Variants in RCAN2 observed in about 807,000 individuals in gnomAD.
The protein encoded by RCAN2 is calcipressin-2.
In RCAN2, 9 loss-of-function variants were observed where a neutral mutation model predicts 23.6. The observed-to-expected ratio is 0.38, with a 90% CI of 0.23 to 0.67. The LOEUF is 0.67. Ranked by LOEUF, RCAN2 falls within the 30% of genes least tolerant of loss-of-function variation. RCAN2 has a pLI of 0.51. For missense variants in RCAN2, 273 were observed against 302.3 expected (o/e 0.90, Z 0.72); for synonymous variants, 109 against 115.7 (o/e 0.94, Z 0.37).
Position 46,367,176 on chromosome 6 carries a change from A to G in RCAN2, c.225+89576T>C, listed in dbSNP as rs191721386. 3.2e-3 allele frequency among the ~76,000 whole-genome samples: 480 copies of G among 151,072 alleles called. 2 individuals are homozygous for G. Among genetic ancestry groups the G allele is most frequent in the Non-Finnish European group, 5.0e-3 (340 of 67,712 alleles). On this transcript the variant is annotated intron_variant, in intron 2 of 4. Coordinates refer to ENST00000371374, the MANE Select transcript of RCAN2 (RefSeq NM_001251974.2). ...GAGAGAAGCTACCATCTCAACATGTAAATTAATATTGGCTTAAGGGTGGCT... is the reference window on the plus strand; with the variant it reads ...GAGAGAAGCTACCATCTCAACATGTGAATTAATATTGGCTTAAGGGTGGCT...
At chr6:46,279,387 C>T (rs114433854) in intron 2 of RCAN2, among the ~76,000 whole-genome samples, 2,876 of 152,276 alleles carry the variant, frequency 0.019, 84 homozygotes, top group African/African-American at 0.062. Flanking sequence ...AACCTTGGCA[C>T]TATTGACATT....
At chr6:46,286,610 GAGAAGGTAAAGACATGTAC>G (rs1762382619) in intron 2 of RCAN2, among the ~76,000 whole-genome samples, 1 of 152,178 alleles carries the variant, frequency 6.6e-6, no homozygotes, top group Admixed American at 6.5e-5. Context: ...CATGATTCTT[GAGAAGGTAAAGACATGTAC>G]AGAACTTCTG....
chr6:46,463,567 G>A (rs1452768535), intron 1 of RCAN2, among the ~76,000 whole-genome samples: 1 of 152,118 alleles, frequency 6.6e-6, no homozygotes, highest in Non-Finnish European at 1.5e-5. Context: ...TCCTCAATTT[G>A]AGATTTTTAT....
At position 46,222,110 on chromosome 6, in the gene RCAN2, T is replaced by A. The variant is rs965783072; in HGVS notation, c.*1031A>T. 1.3e-5 allele frequency: 5 copies of A among 397,198 alleles called. No homozygotes were observed. Among genetic ancestry groups the A allele is most frequent in the Non-Finnish European group, 2.2e-5 (5 of 225,276 alleles). 24.6% of individuals were successfully genotyped at this position (397,198 alleles called of 1,614,324 possible). ...AGCAAAGATGTTGGCTAATCATGTA[T>A]ATATTGGCATTAGATGTTTTGTGTC... On this transcript the variant is annotated 3_prime_UTR_variant, in exon 5 of 5. Coordinates refer to ENST00000371374, the MANE Select transcript of RCAN2 (RefSeq NM_001251974.2).
At chr6:46,277,633 T>C (rs1194274089) in intron 2 of RCAN2, among the ~76,000 whole-genome samples, 1 of 152,142 alleles carries the variant, frequency 6.6e-6, no homozygotes, top group East Asian at 1.9e-4. Context: ...ACTTAATTTT[T>C]TTTGGTCTAT....
chr6:46,342,879 T>A (rs1764373224), intron 2 of RCAN2, among the ~76,000 whole-genome samples: 1 of 152,088 alleles, frequency 6.6e-6, no homozygotes, highest in Admixed American at 6.5e-5. Context: ...TAATACTTTA[T>A]CTAGACTAGA....
intron 2 of RCAN2, among the ~76,000 whole-genome samples, chr6:46,421,204 A>G (rs997913198): frequency 1.3e-5 from 2 of 152,232 alleles, no homozygotes; most frequent in Admixed American, 6.5e-5. Flanking sequence ...AGCAATGGGC[A>G]ATGATGTACA....
In RCAN2 at chr6:46,251,310, A is replaced by G. The variant is rs115175474; in HGVS notation, c.226-2414T>C. On this transcript the variant is annotated intron_variant, in intron 2 of 4. Transcript: ENST00000371374. ...TTCCTGAGCAGGAATACTGATGACTAAAATGCATTCTGTTTCCTCACAATG... is the reference window on the plus strand; with the variant it reads ...TTCCTGAGCAGGAATACTGATGACTGAAATGCATTCTGTTTCCTCACAATG... 2.9e-3 allele frequency among the ~76,000 whole-genome samples: 442 copies of G among 152,342 alleles called. 4 individuals are homozygous for G. The highest frequency in any genetic ancestry group is 0.01 in the African/African-American group (422 of 41,588).
intron 2 of RCAN2, among the ~76,000 whole-genome samples, chr6:46,433,135 T>G (rs1309313403): frequency 6.6e-6 from 1 of 152,156 alleles, no homozygotes; most frequent in Non-Finnish European, 1.5e-5. Flanking sequence ...CAAATTTTAG[T>G]GATCCTTTTT....
chr6:46,475,060 A>G (rs1470372761), intron 1 of RCAN2, among the ~76,000 whole-genome samples: 2 of 152,218 alleles, frequency 1.3e-5, no homozygotes, highest in Admixed American at 1.3e-4. Context: ...CTGGATTAAA[A>G]TGAGTTTTTT....
At chr6:46,314,385 GA>G (rs953014176) in intron 2 of RCAN2, among the ~76,000 whole-genome samples, 15 of 139,392 alleles carry the variant, frequency 1.1e-4, no homozygotes, top group African/African-American at 3.4e-4. Context: ...AAAAAGAAAA[GA>G]AAAAAAACCA....
In RCAN2 at chr6:46,456,601, T is replaced by A. The variant is rs1582217265; in HGVS notation, c.225+151A>T. ...TCTCTAAAGTTAGTTGATAATAGAA[T>A]GGGATTTTCTTATCCTGGTACACAT... On this transcript the variant is annotated intron_variant, in intron 2 of 4. Coordinates refer to ENST00000371374, the MANE Select transcript of RCAN2 (RefSeq NM_001251974.2). The A allele has an allele frequency of 4.8e-6, 3 of 620,584 alleles. No individual in the cohort carries two copies. In the Admixed American group the frequency reaches 8.6e-5, roughly 18 times the overall value. The allele number at this position is 620,584 out of a possible 1,614,324, so 38.4% of individuals were successfully genotyped here.
chr6:46,461,703 A>C (rs919842916), intron 1 of RCAN2, among the ~76,000 whole-genome samples: 3 of 151,620 alleles, frequency 2.0e-5, no homozygotes, highest in Non-Finnish European at 4.4e-5. Flanking sequence ...CTCCAGCCTC[A>C]GCTTCCCGAG....
chr6:46,460,705 C>G (rs1204561147), intron 1 of RCAN2, among the ~76,000 whole-genome samples: 1 of 152,170 alleles, frequency 6.6e-6, no homozygotes, highest in Non-Finnish European at 1.5e-5. Context: ...GCTGGGTTGT[C>G]TTCATCCATG....
At position 46,470,615 on chromosome 6, in the gene RCAN2, A is replaced by G. The variant is rs559028488; in HGVS notation, c.-2-13637T>C. 1.4e-4 allele frequency among the ~76,000 whole-genome samples: 22 copies of G among 152,356 alleles called. No individual in the cohort carries two copies. The South Asian group carries it at 2.3e-3, about 16-fold the overall frequency. On this transcript the variant is annotated intron_variant, in intron 1 of 4. Transcript: ENST00000371374. ...ACTAAATAAATCAAGCCAGTTTTCT[A>G]TGTACCCTCTCTCTACCAGTTCACT...
chr6:46,239,048 C>G (rs966160554), intron 4 of RCAN2, among the ~76,000 whole-genome samples: 1 of 152,166 alleles, frequency 6.6e-6, no homozygotes, highest in Admixed American at 6.5e-5. Context: ...TCCTCAAGGT[C>G]ACAGAGCTAA....
intron 2 of RCAN2, among the ~76,000 whole-genome samples, chr6:46,332,806 T>G (rs1457708602): frequency 1.3e-5 from 2 of 152,188 alleles, no homozygotes; most frequent in Admixed American, 1.3e-4. Context: ...TGATTTATAG[T>G]CCTTTGGGTA....
At chr6:46,449,042 T>G (rs906380113) in intron 2 of RCAN2, among the ~76,000 whole-genome samples, 24 of 151,830 alleles carry the variant, frequency 1.6e-4, no homozygotes, top group African/African-American at 5.3e-4. Flanking sequence ...TAAATTGTCC[T>G]TATCTGCAGA....
chr6:46,419,016 A>C (rs201485270), intron 2 of RCAN2, among the ~76,000 whole-genome samples: 2 of 152,044 alleles, frequency 1.3e-5, no homozygotes, highest in African/African-American at 4.8e-5. Flanking sequence ...AGATAGCAAA[A>C]AAAAGCCCAA....
Sources: gnomAD v4.1 joint callset for allele counts (sites outside exome capture counted in the v4.1 genomes callset) on GRCh38, gnomAD v4.1.1 for gene constraint, MANE v1.5 for transcripts, NCBI Gene and HGNC (gene_info 2026-07-23, HGNC 2026-07-21) for gene names.